The following MTMR8 variants were observed in gnomAD, a reference collection of about 807,000 sequenced individuals.
The protein encoded by MTMR8 is phosphatidylinositol-3,5-bisphosphate 3-phosphatase MTMR8.
MTMR8 carries 65 observed loss-of-function variants against 39.3 expected under a neutral mutation model. That is an observed-to-expected ratio of 1.65 (90% CI 1.35 to 2.03). The LOEUF is 2.03. Among genes scored for constraint, MTMR8 ranks in the 30% most tolerant of loss-of-function variants. MTMR8 has a pLI of 0.00. For synonymous variants in MTMR8, 245 were observed against 185.2 expected (o/e 1.32, Z -2.62); for missense variants, 777 against 538.9 (o/e 1.44, Z -4.37).
chrX:64,348,799 A>G lies in MTMR8; in HGVS notation c.598-5T>C. The G allele has an allele frequency of 8.3e-7, 1 of 1,210,118 alleles. No individual in the cohort carries two copies. The highest frequency in any genetic ancestry group is 1.1e-6 in the Non-Finnish European group (1 of 894,377). ...GCTACAGCGGCAAATGGCAGCCTGT[A>G]AGGAAAAGGTGTGTCAGTTGAGTGA... is the stretch of plus-strand genomic sequence containing the variant. On this transcript the variant is annotated splice_region_variant and splice_polypyrimidine_tract_variant and intron_variant, in intron 5 of 13. Transcript: ENST00000374852.
chrX:64,385,552 T>C (rs1235400613), intron 1 of MTMR8, among the ~76,000 whole-genome samples: 2 of 111,842 alleles, frequency 1.8e-5, no homozygotes, highest in African/African-American at 6.5e-5. Context: ...GGCTCACAGT[T>C]TTGAAGGCTT....
At chrX:64,293,072 G>C (rs932467773) in intron 12 of MTMR8, among the ~76,000 whole-genome samples, 2 of 111,003 alleles carry the variant, frequency 1.8e-5, no homozygotes, top group East Asian at 2.8e-4. Context: ...TGCTGAAGTG[G>C]GTTTATCAGG....
intron 1 of MTMR8, among the ~76,000 whole-genome samples, chrX:64,370,146 A>G (rs1300801183): frequency 9.0e-6 from 1 of 111,203 alleles, no homozygotes; most frequent in East Asian, 2.8e-4. Flanking sequence ...GGAGCACATT[A>G]TGAACTCAAT....
intron 12 of MTMR8, 135 bp downstream of exon 12, chrX:64,328,637 A>G (rs1202037299): frequency 1.9e-6 from 1 of 538,293 alleles, no homozygotes; most frequent in African/African-American, 2.5e-5. Flanking sequence ...GCAGCAATGT[A>G]TGGGTGATAT....
intron 8 of MTMR8, among the ~76,000 whole-genome samples, chrX:64,340,611 G>T (rs190378167): frequency 1.3e-3 from 146 of 111,464 alleles, no homozygotes; most frequent in Non-Finnish European, 2.3e-3. Flanking sequence ...AAGGTAGTCA[G>T]GTTTCAGGTA....
At chrX:64,355,658 T>C (rs935963388) in intron 3 of MTMR8, among the ~76,000 whole-genome samples, 1 of 110,414 alleles carries the variant, frequency 9.1e-6, no homozygotes, top group Non-Finnish European at 1.9e-5. Flanking sequence ...AGGAAGCTGG[T>C]TAATTGCCTA....
At chrX:64,362,664 C>G (rs988835925) in intron 1 of MTMR8, among the ~76,000 whole-genome samples, 13 of 109,135 alleles carry the variant, frequency 1.2e-4, no homozygotes, top group Non-Finnish European at 2.3e-4. Context: ...TAAGCTAAGG[C>G]CATATCCTTA....
At chrX:64,359,265 A>G in intron 2 of MTMR8, 140 bp downstream of exon 2, 2 of 551,078 alleles carry the variant, frequency 3.6e-6, no homozygotes, top group Non-Finnish European at 5.1e-6. Flanking sequence ...GACCATAAAA[A>G]GATTATTAGA....
chrX:64,389,031 C>T (rs1007460037), intron 1 of MTMR8, among the ~76,000 whole-genome samples: 1 of 111,695 alleles, frequency 9.0e-6, no homozygotes. Flanking sequence ...TGTTTGGCTT[C>T]GTATTTCCAG....
chrX:64,332,719 A>G (rs1922975917), intron 10 of MTMR8, among the ~76,000 whole-genome samples: 1 of 111,702 alleles, frequency 9.0e-6, no homozygotes, highest in Non-Finnish European at 1.9e-5. Flanking sequence ...GTTGATGTAG[A>G]TGACTTACAC....
intron 12 of MTMR8, among the ~76,000 whole-genome samples, chrX:64,316,374 C>T (rs750638655): frequency 1.2e-4 from 14 of 112,340 alleles, no homozygotes; most frequent in African/African-American, 3.6e-4. Flanking sequence ...GGGCCAGATG[C>T]AGTGGCTCAC....
At chrX:64,304,961 T>TATGTATATACATATATATGTATATAC (rs1922049589) in intron 12 of MTMR8, 1 of 90,194 alleles carries the variant, frequency 1.1e-5, no homozygotes, top group Non-Finnish European at 2.2e-5. Flanking sequence ...AACATATATA[T>TATGTATATACATATATATGTATATAC]ATGTATATAC....
intron 12 of MTMR8, among the ~76,000 whole-genome samples, chrX:64,315,564 G>T (rs1922442492): frequency 1.8e-5 from 2 of 111,264 alleles, no homozygotes; most frequent in Non-Finnish European, 3.8e-5. Context: ...GGCCTCTGCT[G>T]CTTCCATTTA....
chrX:64,369,888 A>C (rs1924082874), intron 1 of MTMR8, among the ~76,000 whole-genome samples: 1 of 111,816 alleles, frequency 8.9e-6, no homozygotes, highest in African/African-American at 3.2e-5. Flanking sequence ...TACATACAGC[A>C]ATATAAATAT....
At chrX:64,368,240 G>C (rs1036554987) in intron 1 of MTMR8, among the ~76,000 whole-genome samples, 9 of 110,156 alleles carry the variant, frequency 8.2e-5, no homozygotes, top group African/African-American at 2.3e-4. Flanking sequence ...TTTCTTCACA[G>C]AATTGGAAAA....
At chrX:64,347,518 G>A (rs2147228858) in intron 6 of MTMR8, among the ~76,000 whole-genome samples, 1 of 111,618 alleles carries the variant, frequency 9.0e-6, no homozygotes, top group South Asian at 3.8e-4. Flanking sequence ...CTGGAGAATA[G>A]CCACTGAGGG....
At chrX:64,351,052 AC>A (rs1923474658) in intron 4 of MTMR8, among the ~76,000 whole-genome samples, 1 of 111,660 alleles carries the variant, frequency 9.0e-6, no homozygotes, top group Non-Finnish European at 1.9e-5. Context: ...AATGTTTTCT[AC>A]CCACCCCCTT....
chrX:64,343,551 A>T, intron 8 of MTMR8, 60 bp downstream of exon 8: 1 of 699,315 alleles, frequency 1.4e-6, no homozygotes, highest in Non-Finnish European at 2.2e-6. Flanking sequence ...ATGGCACACT[A>T]CTACTTCAAT....
rs759819760 is a variant in MTMR8 at position 64,359,382 on chromosome X, G to C, written c.147+23C>G. 5 of 1,193,610 alleles carry C rather than the reference G, an allele frequency of 4.2e-6. No homozygotes were observed. The East Asian group carries it at 9.0e-5, about 21-fold the overall frequency. On this transcript the variant is annotated intron_variant, in intron 2 of 13. Transcript: ENST00000374852. ...TATGCACAACTCTTTAAGACTCTTT[G>C]ATACTTCTTCTCATGAACATACCCA...
Sources: gnomAD v4.1 joint callset for allele counts (sites outside exome capture counted in the v4.1 genomes callset) on GRCh38, gnomAD v4.1.1 for gene constraint, MANE v1.5 for transcripts, NCBI Gene and HGNC (gene_info 2026-07-23, HGNC 2026-07-21) for gene names.